Variants in STOX2 observed in about 807,000 individuals in gnomAD.
STOX2 encodes storkhead box 2.
Under a neutral mutation model 60.9 loss-of-function variants are expected in STOX2, and 28 were observed. The observed-to-expected ratio is 0.46, with a 90% CI of 0.34 to 0.63. The LOEUF (loss-of-function observed/expected upper bound fraction) is 0.63, where lower values mean the gene tolerates loss of function less well. Among genes scored for constraint, STOX2 ranks in the 30% least tolerant of loss-of-function variants. The pLI, the probability that STOX2 is intolerant of heterozygous loss-of-function variation, is 0.01. For synonymous variants in STOX2, 472 were observed against 463.9 expected (o/e 1.02, Z -0.22); for missense variants, 1,024 against 1,187.7 (o/e 0.86, Z 2.03).
At chr4:183,802,062 C>T (rs1457462611) in intron 1 of STOX2, among the ~76,000 whole-genome samples, 3 of 152,202 alleles carry the variant, frequency 2.0e-5, no homozygotes, top group Non-Finnish European at 4.4e-5. Context: ...CTTCTAGCCT[C>T]GGCCACAAGC....
chr4:183,991,177 C>T (rs999171498), intron 1 of STOX2, among the ~76,000 whole-genome samples: 1 of 152,042 alleles, frequency 6.6e-6, no homozygotes, highest in Non-Finnish European at 1.5e-5. Flanking sequence ...CTCCAAAGTC[C>T]CTAGTGTAAT....
At chr4:183,798,646 A>G (rs1439354749) in intron 1 of STOX2, 2 of 985,290 alleles carry the variant, frequency 2.0e-6, no homozygotes, top group Admixed American at 1.2e-4. Context: ...CCTGCAGCAC[A>G]TCTCTCAAGT....
At chr4:183,807,613 A>G (rs2111097234) in intron 1 of STOX2, among the ~76,000 whole-genome samples, 1 of 152,058 alleles carries the variant, frequency 6.6e-6, no homozygotes, top group Middle Eastern at 3.4e-3. Flanking sequence ...CCCACACCCC[A>G]CACCCACCCC....
At chr4:184,008,545 C>A (rs934884518) in intron 2 of STOX2, among the ~76,000 whole-genome samples, 1 of 152,164 alleles carries the variant, frequency 6.6e-6, no homozygotes, top group African/African-American at 2.4e-5. Context: ...GAATTTTACC[C>A]GGGCTGCAGT....
chr4:183,970,925 C>T (rs751293437), intron 1 of STOX2, among the ~76,000 whole-genome samples: 4 of 152,194 alleles, frequency 2.6e-5, no homozygotes, highest in Non-Finnish European at 4.4e-5. Flanking sequence ...AAACTGCCCT[C>T]GCTATGACAT....
At chr4:183,893,192 C>T (rs1741266280) in intron 1 of STOX2, among the ~76,000 whole-genome samples, 2 of 151,984 alleles carry the variant, frequency 1.3e-5, no homozygotes, top group African/African-American at 4.8e-5. Flanking sequence ...TCTGCTCAGG[C>T]CTTATCCCAT....
chr4:183,918,068 T>C (rs1166202233), intron 1 of STOX2, among the ~76,000 whole-genome samples: 4 of 152,238 alleles, frequency 2.6e-5, no homozygotes, highest in African/African-American at 9.6e-5. Context: ...CAGGATTGAC[T>C]GGTTTCTAAG....
chr4:183,908,512 T>C (rs1741681452), intron 1 of STOX2, among the ~76,000 whole-genome samples: 1 of 151,834 alleles, frequency 6.6e-6, no homozygotes, highest in South Asian at 2.1e-4. Flanking sequence ...TGTGAAGCTA[T>C]AGGAGGGTTG....
At chr4:183,913,338 T>C (rs575776007) in intron 1 of STOX2, among the ~76,000 whole-genome samples, 2 of 152,158 alleles carry the variant, frequency 1.3e-5, no homozygotes, top group African/African-American at 4.8e-5. Context: ...AGAGAAATGG[T>C]GGAAGCAGCC....
intron 1 of STOX2, among the ~76,000 whole-genome samples, chr4:183,833,125 C>CA (rs1370160849): frequency 2.0e-5 from 3 of 152,226 alleles, no homozygotes; most frequent in Admixed American, 2.0e-4. Flanking sequence ...TTGATACACT[C>CA]AGTTCTTAAT....
At chr4:183,886,039 A>T (rs952063299) in intron 1 of STOX2, among the ~76,000 whole-genome samples, 1 of 151,956 alleles carries the variant, frequency 6.6e-6, no homozygotes, top group Non-Finnish European at 1.5e-5. Context: ...TGGTTGCTGG[A>T]TGGTGTAGGC....
At chr4:183,997,902 CTTGGAG>C (rs1440925665) in intron 1 of STOX2, among the ~76,000 whole-genome samples, 1 of 152,156 alleles carries the variant, frequency 6.6e-6, no homozygotes, top group Non-Finnish European at 1.5e-5. Flanking sequence ...CATGCTGCCT[CTTGGAG>C]TTGGCTGCAA....
At chr4:183,929,945 G>A (rs1055126445) in intron 1 of STOX2, among the ~76,000 whole-genome samples, 3 of 151,480 alleles carry the variant, frequency 2.0e-5, no homozygotes, top group Admixed American at 1.3e-4. Context: ...CTCACTGCAA[G>A]CTCCGCCTCC....
chr4:183,963,685 C>T (rs1184085904), intron 1 of STOX2, among the ~76,000 whole-genome samples: 1 of 151,562 alleles, frequency 6.6e-6, no homozygotes, highest in Admixed American at 6.6e-5. Flanking sequence ...CTCGGCCTCC[C>T]AAAGTGCTGG....
intron 1 of STOX2, among the ~76,000 whole-genome samples, chr4:183,952,354 A>G (rs1254198170): frequency 3.3e-5 from 5 of 152,268 alleles, no homozygotes; most frequent in Non-Finnish European, 7.3e-5. Flanking sequence ...TGTTCTAAAA[A>G]TGTTATTGAA....
At chr4:183,830,669 A>G (rs958397961) in intron 1 of STOX2, among the ~76,000 whole-genome samples, 7 of 152,168 alleles carry the variant, frequency 4.6e-5, no homozygotes, top group Non-Finnish European at 8.8e-5. Flanking sequence ...CTGTTGGTTG[A>G]AATTAGCTGG....
intron 2 of STOX2, among the ~76,000 whole-genome samples, chr4:184,005,335 C>G (rs1436546921): frequency 6.6e-6 from 1 of 150,874 alleles, no homozygotes; most frequent in Non-Finnish European, 1.5e-5. Context: ...TGGCACGCAC[C>G]TGTAATCCCA....
chr4:183,979,156 TAC>T (rs1732560462), intron 1 of STOX2, among the ~76,000 whole-genome samples: 1 of 152,010 alleles, frequency 6.6e-6, no homozygotes, highest in African/African-American at 2.4e-5. Flanking sequence ...TCAGGGAACT[TAC>T]AGTCATGGCA....
At chr4:184,007,680 A>G (rs1733932758) in intron 2 of STOX2, among the ~76,000 whole-genome samples, 1 of 152,244 alleles carries the variant, frequency 6.6e-6, no homozygotes, top group Non-Finnish European at 1.5e-5. Context: ...TCTGGAGGCC[A>G]GAAGTCCAGA....
Sources: allele counts gnomAD v4.1 joint callset (sites outside exome capture counted in the v4.1 genomes callset), GRCh38; gene constraint gnomAD v4.1.1; transcripts MANE v1.5; gene names NCBI Gene and HGNC (gene_info 2026-07-23, HGNC 2026-07-21).